TRPC4: variants seen among roughly 807,000 people sequenced by gnomAD.
The protein encoded by TRPC4 is transient receptor potential cation channel subfamily C member 4.
TRPC4 carries 49 observed loss-of-function variants against 99.4 expected under a neutral mutation model. The observed-to-expected ratio is 0.49, with a 90% confidence interval of 0.39 to 0.63. TRPC4 has a LOEUF of 0.63. Among genes scored for constraint, TRPC4 ranks in the 20% least tolerant of loss-of-function variants. The pLI is 0.00. For synonymous variants in TRPC4, 454 were observed against 425.9 expected (o/e 1.07, Z -0.81); for missense variants, 898 against 1,152.9 (o/e 0.78, Z 3.20).
chr13:37,759,559 A>G (rs991008241), intron 2 of TRPC4, among the ~76,000 whole-genome samples: 2 of 151,890 alleles, frequency 1.3e-5, no homozygotes, highest in African/African-American at 4.8e-5. Context: ...AAGCAATCCA[A>G]TGGATCAACA....
intron 4 of TRPC4, among the ~76,000 whole-genome samples, chr13:37,679,898 G>GA (rs1953179822): frequency 6.6e-6 from 1 of 152,090 alleles, no homozygotes; most frequent in African/African-American, 2.4e-5. Flanking sequence ...TATCCAGTGC[G>GA]AAAAAATGCT....
At chr13:37,755,259 G>A (rs1956066983) in intron 2 of TRPC4, among the ~76,000 whole-genome samples, 1 of 147,930 alleles carries the variant, frequency 6.8e-6, no homozygotes, top group Non-Finnish European at 1.5e-5. Context: ...GTCCTAACCT[G>A]GCTCTTTAAA....
chr13:37,805,241 G>A (rs1002832855), intron 1 of TRPC4, among the ~76,000 whole-genome samples: 1 of 151,872 alleles, frequency 6.6e-6, no homozygotes, highest in Non-Finnish European at 1.5e-5. Context: ...ATTATTTTGG[G>A]ATGGTGTATA....
chr13:37,811,607 C>T (rs868784279), intron 1 of TRPC4, among the ~76,000 whole-genome samples: 4 of 152,032 alleles, frequency 2.6e-5, no homozygotes, highest in Non-Finnish European at 5.9e-5. Flanking sequence ...AGAATGTTCT[C>T]GTCTAGTATT....
chr13:37,650,219 TA>T lies in TRPC4; in HGVS notation c.2079+1045del, dbSNP rs543666774. Among the ~76,000 whole-genome samples, 348 of 152,038 alleles carry T rather than the reference TA, an allele frequency of 2.3e-3. 1 individual carries two copies. Among genetic ancestry groups the T allele is most frequent in the African/African-American group, 7.9e-3 (325 of 41,298 alleles). ...TAAAATAAAATTGAAAACAAATTAA[TA>T]TTTTTTTATTTTTAATTAATCTCTA... On this transcript the variant is annotated intron_variant, in intron 8 of 10. Coordinates refer to ENST00000379705, the MANE Select transcript of TRPC4 (RefSeq NM_016179.4).
chr13:37,786,344 AAG>A (rs902910537), intron 1 of TRPC4, among the ~76,000 whole-genome samples: 17 of 148,428 alleles, frequency 1.1e-4, no homozygotes, highest in South Asian at 1.1e-3. Context: ...GTAGAGAAGA[AAG>A]AGAGAGAGAG....
At chr13:37,640,096 A>C (rs1951671385) in intron 8 of TRPC4, among the ~76,000 whole-genome samples, 1 of 152,034 alleles carries the variant, frequency 6.6e-6, no homozygotes, top group South Asian at 2.1e-4. Flanking sequence ...AAAAAACCCT[A>C]CATAATCCCA....
intron 4 of TRPC4, among the ~76,000 whole-genome samples, chr13:37,688,713 C>CA (rs1320506183): frequency 6.6e-6 from 1 of 152,108 alleles, no homozygotes; most frequent in African/African-American, 2.4e-5. Flanking sequence ...TTACTTTATA[C>CA]AACAAGCAGC....
intron 3 of TRPC4, among the ~76,000 whole-genome samples, 182 bp from the exon 4 acceptor site, chr13:37,692,517 T>C (rs1953750943): frequency 6.6e-6 from 1 of 152,204 alleles, no homozygotes; most frequent in African/African-American, 2.4e-5. Flanking sequence ...TGAATATTTA[T>C]TCTACCCAAG....
intron 1 of TRPC4, among the ~76,000 whole-genome samples, chr13:37,837,802 C>T (rs180853885): frequency 7.0e-4 from 107 of 152,128 alleles, no homozygotes; most frequent in Middle Eastern, 3.4e-3. Context: ...AGATGTGGGA[C>T]GAGCCAGGGG....
chr13:37,738,971 G>C (rs1955496092), intron 3 of TRPC4, among the ~76,000 whole-genome samples: 1 of 152,148 alleles, frequency 6.6e-6, no homozygotes, highest in African/African-American at 2.4e-5. Flanking sequence ...GTTTTTCCTA[G>C]ATCTGCCTTT....
chr13:37,688,637 A>G (rs1159958584), intron 4 of TRPC4, among the ~76,000 whole-genome samples: 1 of 152,238 alleles, frequency 6.6e-6, no homozygotes, highest in Non-Finnish European at 1.5e-5. Context: ...ACATCAAGAA[A>G]TTATGAATGC....
rs900227562 is a variant in TRPC4, at chr13:37,692,506, T to C, written c.898-171A>G. 3.9e-5 allele frequency among the ~76,000 whole-genome samples: 6 copies of C among 152,226 alleles called. No individual in the cohort carries two copies. The East Asian group carries it at 7.7e-4, about 20-fold the overall frequency. On this transcript the variant is annotated intron_variant, in intron 3 of 10. Coordinates refer to ENST00000379705, the MANE Select transcript of TRPC4 (RefSeq NM_016179.4). ...TCATTCTGTGAATAAAGCCAATGTA[T>C]TGAATATTTATTCTACCCAAGGCAC...
At chr13:37,783,740 C>G (rs1038631728) in intron 1 of TRPC4, among the ~76,000 whole-genome samples, 1 of 151,902 alleles carries the variant, frequency 6.6e-6, no homozygotes, top group Non-Finnish European at 1.5e-5. Flanking sequence ...CAAAACTAGA[C>G]CAAGGATATT....
chr13:37,852,682 C>T (rs1037830507), intron 1 of TRPC4, among the ~76,000 whole-genome samples: 1 of 152,134 alleles, frequency 6.6e-6, no homozygotes, highest in Non-Finnish European at 1.5e-5. Flanking sequence ...GAGTCCAGGC[C>T]CGGGCTCCTA....
intron 3 of TRPC4, among the ~76,000 whole-genome samples, chr13:37,698,001 G>C (rs1953971433): frequency 1.3e-5 from 2 of 151,618 alleles, no homozygotes; most frequent in South Asian, 4.2e-4. Flanking sequence ...TTGAGTGATA[G>C]GGACAAGCCA....
intron 1 of TRPC4, among the ~76,000 whole-genome samples, chr13:37,860,429 G>C (rs531260466): frequency 9.9e-5 from 15 of 151,438 alleles, no homozygotes; most frequent in South Asian, 4.2e-4. Flanking sequence ...AATTCAATGT[G>C]CCTTTTCTGT....
rs772536839 is a variant in TRPC4 at position 37,637,081 on chromosome 13, A to C, written c.2756T>G (p.Leu919Arg). The C allele has an allele frequency of 1.9e-6, 3 of 1,613,630 alleles. No homozygotes were observed. The highest frequency in any genetic ancestry group is 2.5e-6 in the Non-Finnish European group (3 of 1,179,794). ...VDHRERNTDT[L>R]GLQVGKRVCP... is the part of the protein sequence containing the mutation. ...CACTCTCTTTCCTACCTGTAACCCC[A>C]GTGTGTCCGTATTCCTTTCTCTATG... is the stretch of plus-strand genomic sequence containing the variant. The change falls in exon 11 of 11, where the codon CTG (leucine) becomes CGG (arginine). Residue 919 changes from leucine (L) to arginine (R), a missense_variant. Around this residue, in one of 3 missense-constraint regions of TRPC4, gnomAD observed 346 missense variants for 351.4 expected, o/e 0.98. Coordinates refer to ENST00000379705, the MANE Select transcript of TRPC4 (RefSeq NM_016179.4).
chr13:37,656,866 C>T (rs1248762619), intron 6 of TRPC4, among the ~76,000 whole-genome samples: 3 of 152,168 alleles, frequency 2.0e-5, no homozygotes, highest in Non-Finnish European at 4.4e-5. Flanking sequence ...CATGGCCCAG[C>T]ACTACGTCAA....
Sources: allele counts gnomAD v4.1 joint callset (sites outside exome capture counted in the v4.1 genomes callset), GRCh38; gene constraint gnomAD v4.1.1; regional missense constraint gnomAD v4.1.1; transcripts MANE v1.5; gene names NCBI Gene and HGNC (gene_info 2026-07-23, HGNC 2026-07-21).